VGLL4: variants seen among roughly 807,000 people sequenced by gnomAD.
The protein encoded by VGLL4 is transcription cofactor vestigial-like protein 4.
Under a neutral mutation model 21.0 loss-of-function variants are expected in VGLL4, and 7 were observed. The ratio of observed to expected loss-of-function variants is 0.33; its 90% CI spans 0.19 to 0.63. The LOEUF (loss-of-function observed/expected upper bound fraction) is 0.63. Ranked by LOEUF, VGLL4 falls within the 20% of genes least tolerant of loss-of-function variation. VGLL4 has a pLI of 0.78. For synonymous variants in VGLL4, 222 were observed against 173.2 expected (o/e 1.28, Z -2.21); for missense variants, 394 against 425.7 (o/e 0.93, Z 0.66).
chr3:11,624,484 G>A (rs963944485), intron 1 of VGLL4, among the ~76,000 whole-genome samples: 9 of 152,048 alleles, frequency 5.9e-5, no homozygotes, highest in African/African-American at 2.2e-4. Flanking sequence ...ACCAGCTTTA[G>A]GAGGGCTCAC....
intron 1 of VGLL4, among the ~76,000 whole-genome samples, chr3:11,609,259 A>C (rs777602965): frequency 2.0e-5 from 3 of 152,220 alleles, no homozygotes; most frequent in Non-Finnish European, 4.4e-5. Flanking sequence ...ATCTTCCATA[A>C]GAGATACATC....
intron 1 of VGLL4, among the ~76,000 whole-genome samples, chr3:11,705,929 A>G (rs2076755155): frequency 6.6e-6 from 1 of 152,218 alleles, no homozygotes; most frequent in Non-Finnish European, 1.5e-5. Context: ...TCAAAAAAAA[A>G]AAAAAAAAGA....
chr3:11,626,108 C>A (rs2075347760), intron 1 of VGLL4, among the ~76,000 whole-genome samples: 1 of 152,202 alleles, frequency 6.6e-6, no homozygotes, highest in African/African-American at 2.4e-5. Context: ...CTTTTAAAAG[C>A]TATAGCAGAA....
At chr3:11,646,287 A>G (rs950664782), upstream of VGLL4, among the ~76,000 whole-genome samples, 1 of 152,240 alleles carries the variant, frequency 6.6e-6, no homozygotes, top group African/African-American at 2.4e-5. Flanking sequence ...AATATCAGGT[A>G]TCAGATTTAA....
chr3:11,561,556 G>C (rs1387582924), intron 3 of VGLL4, among the ~76,000 whole-genome samples: 1 of 152,196 alleles, frequency 6.6e-6, no homozygotes, highest in Non-Finnish European at 1.5e-5. Flanking sequence ...CCCAGCTGGA[G>C]TCAGGCATCT....
At chr3:11,599,997 T>C (rs2074752397) in intron 2 of VGLL4, among the ~76,000 whole-genome samples, 2 of 152,136 alleles carry the variant, frequency 1.3e-5, no homozygotes, top group South Asian at 4.1e-4. Context: ...CCCAGGCATT[T>C]TGATTAAAAG....
Position 11,579,596 on chromosome 3 carries a change from G to T in VGLL4, c.273-14577C>A, listed in dbSNP as rs765894723. Among the ~76,000 whole-genome samples the T allele has an allele frequency of 9.2e-5, 14 of 152,202 alleles. 1 individual carries two copies. Among genetic ancestry groups the T allele is most frequent in the Non-Finnish European group, 2.1e-4 (14 of 68,008 alleles). ...CAGTGTGGAAGACTGAAAAGAACGTGGGGGGAGTTCAATCATTCCATTCAA... is the reference window on the plus strand; with the variant it reads ...CAGTGTGGAAGACTGAAAAGAACGTTGGGGGAGTTCAATCATTCCATTCAA... On this transcript the variant is annotated intron_variant, in intron 2 of 4. Coordinates refer to ENST00000430365, the MANE Select transcript of VGLL4 (RefSeq NM_001128219.3).
At chr3:11,567,828 A>G (rs527261921) in intron 2 of VGLL4, among the ~76,000 whole-genome samples, 44 of 152,240 alleles carry the variant, frequency 2.9e-4, no homozygotes, top group Non-Finnish European at 5.3e-4. Context: ...ATTCAGATAA[A>G]GATACAATTT....
At chr3:11,591,623 G>C (rs1575425523) in intron 2 of VGLL4, among the ~76,000 whole-genome samples, 2 of 152,244 alleles carry the variant, frequency 1.3e-5, no homozygotes, top group Admixed American at 6.5e-5. Flanking sequence ...ATGAGAAAAT[G>C]CCTCTAGCCT....
chr3:11,705,394 C>G (rs568337835), intron 1 of VGLL4, among the ~76,000 whole-genome samples: 2 of 152,128 alleles, frequency 1.3e-5, no homozygotes, highest in Non-Finnish European at 2.9e-5. Context: ...GGGAGGGCCA[C>G]GGAAGACTAA....
intron 2 of VGLL4, among the ~76,000 whole-genome samples, chr3:11,695,194 C>A (rs746619893): frequency 1.3e-5 from 2 of 151,762 alleles, no homozygotes; most frequent in Admixed American, 6.6e-5. Context: ...GGATTACAGG[C>A]GCCTGCCACC....
At chr3:11,640,170 C>T (rs1388543492) in intron 1 of VGLL4, among the ~76,000 whole-genome samples, 1 of 152,106 alleles carries the variant, frequency 6.6e-6, no homozygotes, top group Non-Finnish European at 1.5e-5. Context: ...CCATTGAGAG[C>T]TTGCACTGAT....
chr3:11,654,421 G>C (rs1209847235), intron 2 of VGLL4, among the ~76,000 whole-genome samples: 1 of 152,178 alleles, frequency 6.6e-6, no homozygotes, highest in African/African-American at 2.4e-5. Flanking sequence ...CTCACGCAAA[G>C]AGCAGCAGAG....
intron 1 of VGLL4, among the ~76,000 whole-genome samples, chr3:11,714,052 G>A (rs930206188): frequency 5.3e-5 from 8 of 152,028 alleles, no homozygotes; most frequent in Non-Finnish European, 8.8e-5. Context: ...AAAAATCCTC[G>A]GTTATTGTAA....
At position 11,558,967 on chromosome 3, in the gene VGLL4, C is replaced by T. The variant is rs1242995497; in HGVS notation, c.620-140G>A. ...TGGGCTCTGCAGACAGAACCCACCTCCCCCGGCTAAGTCAGGCACTTGGGC... is the reference window on the plus strand; with the variant it reads ...TGGGCTCTGCAGACAGAACCCACCTTCCCCGGCTAAGTCAGGCACTTGGGC... On this transcript the variant is annotated intron_variant, in intron 4 of 4. Transcript: ENST00000430365. 4.8e-6 allele frequency: 5 copies of T among 1,048,810 alleles called. No homozygotes were observed. The Admixed American group carries it at 1.2e-4, about 26-fold the overall frequency. 65.0% of individuals were successfully genotyped at this position (1,048,810 alleles called of 1,614,324 possible).
intron 2 of VGLL4, among the ~76,000 whole-genome samples, chr3:11,676,476 A>C (rs1179584435): frequency 6.6e-6 from 1 of 151,412 alleles, no homozygotes; most frequent in Non-Finnish European, 1.5e-5. Context: ...GATCTGAGTT[A>C]ATAATTAAAG....
At position 11,681,189 on chromosome 3, in the gene VGLL4, C is replaced by G. The variant is rs180974053; in HGVS notation, c.64+21782G>C. Among the ~76,000 whole-genome samples the G allele has an allele frequency of 8.8e-4, 134 of 152,324 alleles. 3 individuals are homozygous for G. The East Asian group carries it at 0.023, about 26-fold the overall frequency. On this transcript the variant is annotated intron_variant, in intron 2 of 5. Transcript: ENST00000273038. ...CTCCGCTCACTGCAAGCTCCGCCTC[C>G]TGGGTTCACACCATTCTCCTGCCTC... is the stretch of plus-strand genomic sequence containing the variant.
chr3:11,687,243 C>T (rs992584528), intron 2 of VGLL4, among the ~76,000 whole-genome samples: 1 of 151,912 alleles, frequency 6.6e-6, no homozygotes, highest in African/African-American at 2.4e-5. Context: ...TTTGATATTC[C>T]AATTAGGATG....
At chr3:11,680,505 A>G (rs956878338) in intron 2 of VGLL4, among the ~76,000 whole-genome samples, 2 of 152,158 alleles carry the variant, frequency 1.3e-5, no homozygotes, top group Non-Finnish European at 2.9e-5. Flanking sequence ...GCTGTGCGGG[A>G]GACCAGTAGT....
Sources: gnomAD v4.1 joint callset for allele counts (sites outside exome capture counted in the v4.1 genomes callset) on GRCh38, gnomAD v4.1.1 for gene constraint, MANE v1.5 for transcripts, NCBI Gene and HGNC (gene_info 2026-07-23, HGNC 2026-07-21) for gene names.